CAMK2B: variants seen among roughly 807,000 people sequenced by gnomAD.
The protein encoded by CAMK2B is calcium/calmodulin-dependent protein kinase type II subunit beta.
A neutral mutation model predicts 93.7 loss-of-function variants in CAMK2B; 27 were observed. The observed-to-expected ratio is 0.29, with a 90% CI of 0.21 to 0.40. CAMK2B has a LOEUF of 0.40. Ranked by LOEUF, CAMK2B falls within the 10% of genes least tolerant of loss-of-function variation. The pLI is 1.00. For synonymous variants in CAMK2B, 374 were observed against 358.8 expected, an observed-to-expected ratio of 1.04 and a Z score of -0.48; for missense variants, 568 against 895.8, an observed-to-expected ratio of 0.63 and a Z score of 4.67.
chr7:44,229,406 TAA>T lies in CAMK2B; in HGVS notation c.1319_1320del (p.Phe440Ter), dbSNP rs1191723900. On this transcript the variant is annotated frameshift_variant, in exon 18 of 24. Coordinates refer to ENST00000395749, the MANE Select transcript of CAMK2B (RefSeq NM_001220.5). LOFTEE classifies it high-confidence loss of function. Reference protein sequence around the residue: ...GPLPCPSPAPFSPLPAPSPRI... With the variant: ...GPLPCPSPAPXSPLPAPSPRI... ...TACTTACATGGGGCTGGCAGGGGGC[TAA>T]AGGGAGCCGGAGATGGGCAGGGCAG... 2.0e-6 allele frequency: 3 copies of T among 1,508,744 alleles called. No homozygotes were observed. Among genetic ancestry groups the T allele is most frequent in the Non-Finnish European group, 2.7e-6 (3 of 1,128,032 alleles). 93.5% of individuals were successfully genotyped at this position (1,508,744 alleles called of 1,614,324 possible).
intron 4 of CAMK2B, among the ~76,000 whole-genome samples, chr7:44,256,594 C>G (rs935956561): frequency 6.6e-6 from 1 of 152,240 alleles, no homozygotes; most frequent in African/African-American, 2.4e-5. Context: ...CAGGCAAGGG[C>G]CTGGCATGCC....
At chr7:44,265,654 G>A (rs2096916051) in intron 2 of CAMK2B, among the ~76,000 whole-genome samples, 1 of 152,216 alleles carries the variant, frequency 6.6e-6, no homozygotes, top group African/African-American at 2.4e-5. Context: ...GCCAAGAGCT[G>A]AGCCCCAGCC....
intron 2 of CAMK2B, among the ~76,000 whole-genome samples, chr7:44,279,215 G>T (rs1183353014): frequency 6.6e-6 from 1 of 152,240 alleles, no homozygotes; most frequent in Non-Finnish European, 1.5e-5. Flanking sequence ...ACATCCCAGG[G>T]TCTGGGGCCC....
rs1443076330 is a variant in CAMK2B at position 44,225,730 on chromosome 7, C to T, written c.1597+786G>A. ...GCCCAGCCTGCAGAGGGGACGGTGG[C>T]AAGCAGACCCCACCTGTCCCTCAAG... is the stretch of plus-strand genomic sequence containing the variant. On this transcript the variant is annotated intron_variant, in intron 20 of 23. Coordinates refer to ENST00000395749, the MANE Select transcript of CAMK2B (RefSeq NM_001220.5). This position sits in a 1 kb window ranked among gnomAD's most constrained non-coding sequence, Gnocchi z 5.0. 7.8e-7 allele frequency: 1 copy of T among 1,289,052 alleles called. No individual in the cohort carries two copies. Among genetic ancestry groups the T allele is most frequent in the Non-Finnish European group, 1.0e-6 (1 of 988,584 alleles). 79.9% of individuals were successfully genotyped at this position (1,289,052 alleles called of 1,614,324 possible). A position where few individuals can be genotyped will look rare whatever the true frequency, so the allele number is the denominator to read the frequency against.
At chr7:44,280,142 G>A (rs1387232253) in intron 2 of CAMK2B, among the ~76,000 whole-genome samples, 1 of 152,218 alleles carries the variant, frequency 6.6e-6, no homozygotes, top group Non-Finnish European at 1.5e-5. Context: ...ATTGAGGAAC[G>A]AGACAGAATG....
At chr7:44,256,150 G>C (rs2096831632) in intron 4 of CAMK2B, among the ~76,000 whole-genome samples, 1 of 152,164 alleles carries the variant, frequency 6.6e-6, no homozygotes, top group Non-Finnish European at 1.5e-5. Context: ...TCATGGGCCA[G>C]CACATTTCTA....
chr7:44,324,111 G>A (rs1225179925), intron 1 of CAMK2B: 2 of 152,578 alleles, frequency 1.3e-5, no homozygotes, highest in Non-Finnish European at 2.9e-5. Flanking sequence ...GGGAGAAGTG[G>A]GGAATGAACA....
At chr7:44,274,317 A>G (rs1215753867) in intron 2 of CAMK2B, among the ~76,000 whole-genome samples, 1 of 152,166 alleles carries the variant, frequency 6.6e-6, no homozygotes, top group Non-Finnish European at 1.5e-5. Flanking sequence ...GGCTGCCCAC[A>G]GGGGAGACAC....
At chr7:44,237,418 C>T (rs563787215) in intron 13 of CAMK2B, among the ~76,000 whole-genome samples, 89 of 152,378 alleles carry the variant, frequency 5.8e-4, no homozygotes, top group Admixed American at 1.7e-3. Flanking sequence ...CTCAGGCCGA[C>T]GCTGCCATCA....
chr7:44,266,324 T>TA (rs1562956637), intron 2 of CAMK2B, among the ~76,000 whole-genome samples: 1 of 152,176 alleles, frequency 6.6e-6, no homozygotes, highest in Non-Finnish European at 1.5e-5. Flanking sequence ...TCTGTGGACA[T>TA]ACTATGATTT....
rs2096461432 is a variant in CAMK2B at position 44,225,326 on chromosome 7, C to A, written c.1597+1190G>T. Among the ~76,000 whole-genome samples, 1 of 152,156 alleles carries A rather than the reference C, an allele frequency of 6.6e-6. No homozygotes were observed. The highest frequency in any genetic ancestry group is 2.1e-4 in the South Asian group (1 of 4,830). ...ATCAGATGAGCTGCTGTAGAAGTGG[C>A]AGGTGTCGGGGGTTCTGACCACTCC... On this transcript the variant is annotated intron_variant, in intron 20 of 23. Transcript: ENST00000395749. The surrounding 1 kb of genome is among the most constrained non-coding windows in gnomAD (Gnocchi z 5.0).
intron 13 of CAMK2B, among the ~76,000 whole-genome samples, chr7:44,235,859 G>C (rs1032599474): frequency 2.0e-5 from 3 of 152,224 alleles, no homozygotes; most frequent in African/African-American, 7.2e-5. Flanking sequence ...ACCCTGGCTG[G>C]CCAGGCCATG....
chr7:44,260,210 C>A (rs1016686508), intron 3 of CAMK2B, among the ~76,000 whole-genome samples: 1 of 149,932 alleles, frequency 6.7e-6, no homozygotes, highest in African/African-American at 2.4e-5. Flanking sequence ...AGCAGCCCCC[C>A]TTCCTTGCAT....
At chr7:44,317,743 T>C (rs1282618265) in intron 1 of CAMK2B, among the ~76,000 whole-genome samples, 1 of 152,198 alleles carries the variant, frequency 6.6e-6, no homozygotes, top group African/African-American at 2.4e-5. Flanking sequence ...TCTCGACAAC[T>C]TGGATGGGGT....
At chr7:44,229,575 G>A (rs1583886112) in intron 17 of CAMK2B, 74 bp from the exon 18 acceptor site, 1 of 661,994 alleles carries the variant, frequency 1.5e-6, no homozygotes, top group African/African-American at 1.9e-5. Flanking sequence ...AGAAGGACAG[G>A]GGGAGGCCAG....
chr7:44,305,382 G>C (rs184554326), intron 1 of CAMK2B, among the ~76,000 whole-genome samples: 48 of 152,322 alleles, frequency 3.2e-4, no homozygotes, highest in Non-Finnish European at 6.3e-4. Context: ...ACTTTGGGAG[G>C]CCAAGGTGGG....
At chr7:44,300,016 GTGTC>G (rs1401136694) in intron 1 of CAMK2B, among the ~76,000 whole-genome samples, 8 of 100,634 alleles carry the variant, frequency 7.9e-5, no homozygotes, top group Non-Finnish European at 1.5e-4. Context: ...ATATGTGTAT[GTGTC>G]TGTGTGTGTG....
intron 4 of CAMK2B, among the ~76,000 whole-genome samples, chr7:44,257,957 C>T (rs1174418888): frequency 1.3e-5 from 2 of 152,262 alleles, no homozygotes; most frequent in Non-Finnish European, 2.9e-5. Context: ...GGCAATAGCA[C>T]CAAGGCTGGG....
At chr7:44,249,463 C>A (rs760859180) in intron 5 of CAMK2B, among the ~76,000 whole-genome samples, 14 of 152,168 alleles carry the variant, frequency 9.2e-5, no homozygotes, top group Non-Finnish European at 1.6e-4. Flanking sequence ...GTGGTGTGGA[C>A]GGTAGCAGTG....
Sources: allele counts gnomAD v4.1 joint callset (sites outside exome capture counted in the v4.1 genomes callset), GRCh38; gene constraint gnomAD v4.1.1; non-coding constraint Gnocchi (gnomAD v3.1); transcripts MANE v1.5; gene names NCBI Gene and HGNC (gene_info 2026-07-23, HGNC 2026-07-21).